CLASP1: variants seen among roughly 807,000 people sequenced by gnomAD.
CLASP1 encodes CLIP-associating protein 1.
A neutral mutation model predicts 192.3 loss-of-function variants in CLASP1; 38 were observed. The observed-to-expected ratio is 0.20, with a 90% CI of 0.15 to 0.26. The LOEUF (loss-of-function observed/expected upper bound fraction) is 0.26, where lower values mean the gene tolerates loss of function less well. Among genes scored for constraint, CLASP1 ranks in the 10% least tolerant of loss-of-function variants. The pLI is 1.00. For missense variants in CLASP1, 1,433 were observed against 1,932.5 expected (o/e 0.74, Z 4.85); for synonymous variants, 691 against 712.8 (o/e 0.97, Z 0.49).
intron 37 of CLASP1, among the ~76,000 whole-genome samples, chr2:121,361,750 T>A (rs1407440340): frequency 6.6e-6 from 1 of 152,240 alleles, no homozygotes; most frequent in Non-Finnish European, 1.5e-5. Flanking sequence ...TTGATCGTAC[T>A]AGCTCATCTG....
chr2:121,350,051 A>T (rs2064077860), intron 37 of CLASP1, among the ~76,000 whole-genome samples: 2 of 152,254 alleles, frequency 1.3e-5, no homozygotes, highest in Admixed American at 1.3e-4. Flanking sequence ...TATAAATGAC[A>T]GATAAAGACA....
intron 1 of CLASP1, among the ~76,000 whole-genome samples, chr2:121,615,296 G>A (rs374590046): frequency 3.9e-5 from 6 of 152,008 alleles, no homozygotes; most frequent in South Asian, 2.1e-4. Flanking sequence ...CCAAGATCAC[G>A]GAACTGCACT....
intron 2 of CLASP1, among the ~76,000 whole-genome samples, chr2:121,536,119 C>T (rs1241407940): frequency 2.0e-5 from 3 of 151,724 alleles, no homozygotes; most frequent in African/African-American, 7.3e-5. Context: ...CAGTGGCTCA[C>T]GCCTGTAATC....
chr2:121,618,143 C>A (rs1405637757), intron 1 of CLASP1, among the ~76,000 whole-genome samples: 2 of 152,234 alleles, frequency 1.3e-5, no homozygotes, highest in Non-Finnish European at 2.9e-5. Context: ...TATTTACTGT[C>A]TGATTTCCCA....
intron 19 of CLASP1, among the ~76,000 whole-genome samples, chr2:121,443,090 C>G (rs2083632094): frequency 6.6e-6 from 1 of 152,180 alleles, no homozygotes. Flanking sequence ...AGTGTTGCCA[C>G]AGCCTGTGCA....
chr2:121,543,536 C>T (rs964201002), intron 2 of CLASP1, among the ~76,000 whole-genome samples: 1 of 152,090 alleles, frequency 6.6e-6, no homozygotes, highest in African/African-American at 2.4e-5. Context: ...TCCAAGCTGA[C>T]CTACCTGTTC....
intron 1 of CLASP1, among the ~76,000 whole-genome samples, chr2:121,606,918 A>C (rs2064499888): frequency 6.6e-6 from 1 of 151,388 alleles, no homozygotes; most frequent in Non-Finnish European, 1.5e-5. Flanking sequence ...TTAGCTGGGC[A>C]TGGTGGCAGT....
chr2:121,617,498 A>G (rs2066662067), intron 1 of CLASP1, among the ~76,000 whole-genome samples: 1 of 152,004 alleles, frequency 6.6e-6, no homozygotes, highest in South Asian at 2.1e-4. Flanking sequence ...CCCTCCACAG[A>G]CCCTCTGATC....
chr2:121,388,911 T>C (rs1261685877), intron 30 of CLASP1, among the ~76,000 whole-genome samples: 2 of 152,180 alleles, frequency 1.3e-5, no homozygotes, highest in Non-Finnish European at 2.9e-5. Context: ...TTATTCAGAA[T>C]TTTTTTCCAT....
intron 8 of CLASP1, among the ~76,000 whole-genome samples, chr2:121,493,806 G>A (rs535554169): frequency 6.6e-6 from 1 of 151,914 alleles, no homozygotes; most frequent in South Asian, 2.1e-4. Flanking sequence ...GACATTTTTC[G>A]AAAGAAGACA....
rs1221054245 is a variant in CLASP1, at chr2:121,515,673, T to G, written c.636A>C (p.Pro212=). 7 of 1,613,708 alleles carry G rather than the reference T, an allele frequency of 4.3e-6. No homozygotes were observed. In the African/African-American group the frequency reaches 9.3e-5, roughly 22 times the overall value. Reference sequence around the variant, plus strand: ...AAAAAATCTGCACTCACCGGGACTGTGGCAATCCTTTTTTACTGAGATCTG... The same window carrying G: ...AAAAAATCTGCACTCACCGGGACTGGGGCAATCCTTTTTTACTGAGATCTG... The change falls in exon 7 of 40, where the codon CCA becomes CCC. Residue 212 remains proline, a synonymous_variant. Coordinates refer to ENST00000263710, the Ensembl canonical transcript of CLASP1.
chr2:121,607,459 T>C (rs915897135), intron 1 of CLASP1, among the ~76,000 whole-genome samples: 2 of 152,236 alleles, frequency 1.3e-5, no homozygotes, highest in African/African-American at 4.8e-5. Flanking sequence ...CTCAAAATCA[T>C]GTTTGAGTAG....
At position 121,571,657 on chromosome 2, in the gene CLASP1, A is replaced by G. The variant is rs149574085; in HGVS notation, c.195+34044T>C. On this transcript the variant is annotated intron_variant, in intron 2 of 39. Coordinates refer to ENST00000263710, the Ensembl canonical transcript of CLASP1. ...TTAGCACAGGCTTCACAGGAGCCATACCATTTAAGCTGAGTCTTCAATCAT... is the reference window on the plus strand; with the variant it reads ...TTAGCACAGGCTTCACAGGAGCCATGCCATTTAAGCTGAGTCTTCAATCAT... 2.6e-4 allele frequency among the ~76,000 whole-genome samples: 39 copies of G among 152,314 alleles called. No homozygotes were observed. The East Asian group carries it at 7.3e-3, about 29-fold the overall frequency.
At chr2:121,581,507 C>T (rs1340986534) in intron 2 of CLASP1, among the ~76,000 whole-genome samples, 3 of 151,916 alleles carry the variant, frequency 2.0e-5, no homozygotes, top group African/African-American at 7.3e-5. Flanking sequence ...ATCTCCTGAC[C>T]TCATGATCCA....
intron 19 of CLASP1, among the ~76,000 whole-genome samples, chr2:121,439,708 G>A (rs937076155): frequency 6.6e-6 from 1 of 151,528 alleles, no homozygotes; most frequent in African/African-American, 2.4e-5. Flanking sequence ...TGATAGACTG[G>A]ATTAAGAAAA....
chr2:121,495,661 C>CA (rs1278153367), intron 8 of CLASP1, among the ~76,000 whole-genome samples: 5 of 151,730 alleles, frequency 3.3e-5, no homozygotes, highest in African/African-American at 9.7e-5. Flanking sequence ...AACTCCATCT[C>CA]AAAAAAACGA....
chr2:121,364,055 G>GA (rs2066920727), intron 36 of CLASP1: 1 of 151,772 alleles, frequency 6.6e-6, no homozygotes, highest in South Asian at 2.1e-4. Flanking sequence ...CCAATACTTT[G>GA]TTTTTTTTAA....
At chr2:121,510,849 G>A (rs2094110923) in intron 7 of CLASP1, among the ~76,000 whole-genome samples, 1 of 151,226 alleles carries the variant, frequency 6.6e-6, no homozygotes, top group Non-Finnish European at 1.5e-5. Context: ...ATAAATGGAC[G>A]AATGAATGAA....
In CLASP1 at chr2:121,408,093, C is replaced by A. The variant is rs570764610; in HGVS notation, c.2425-378G>T. Among the ~76,000 whole-genome samples, 6 of 152,284 alleles carry A rather than the reference C, an allele frequency of 3.9e-5. No individual in the cohort carries two copies. The South Asian group carries it at 1.2e-3, about 32-fold the overall frequency. On this transcript the variant is annotated intron_variant, in intron 24 of 39. Transcript: ENST00000263710. ...ACAATAATTAAACCTATCATACAGG[C>A]TTGTTGTGAAGATTAAATGAAATTA...
Sources: allele counts gnomAD v4.1 joint callset (sites outside exome capture counted in the v4.1 genomes callset), GRCh38; gene constraint gnomAD v4.1.1; transcripts MANE v1.5; gene names NCBI Gene and HGNC (gene_info 2026-07-23, HGNC 2026-07-21).